KCNN2: variants seen among roughly 807,000 people sequenced by gnomAD.
KCNN2 encodes potassium calcium-activated channel subfamily N member 2, also known as small conductance calcium-activated potassium channel protein 2.
Under a neutral mutation model 55.5 loss-of-function variants are expected in KCNN2, and 24 were observed. The ratio of observed to expected loss-of-function variants is 0.43; its 90% confidence interval spans 0.31 to 0.61. The LOEUF (loss-of-function observed/expected upper bound fraction) is 0.61. KCNN2 is among the 20% of genes least tolerant of loss of function. The pLI is 0.08. For missense variants in KCNN2, 754 were observed against 853.6 expected (o/e 0.88, Z 1.45); for synonymous variants, 431 against 336.1 (o/e 1.28, Z -3.09).
chr5:114,250,771 C>A (rs958389136), intron 2 of KCNN2, among the ~76,000 whole-genome samples: 4 of 152,160 alleles, frequency 2.6e-5, no homozygotes, highest in Non-Finnish European at 5.9e-5. Flanking sequence ...CCACATTGGT[C>A]TCACTGAGTT....
intron 1 of KCNN2, among the ~76,000 whole-genome samples, chr5:114,074,914 G>C (rs1378279424): frequency 6.6e-6 from 1 of 152,216 alleles, no homozygotes; most frequent in Non-Finnish European, 1.5e-5. Flanking sequence ...AGTTTTGAAA[G>C]TGAGTTGAAG....
chr5:114,068,119 T>C (rs956929746), intron 1 of KCNN2, among the ~76,000 whole-genome samples: 2 of 152,224 alleles, frequency 1.3e-5, no homozygotes, highest in South Asian at 4.1e-4. Flanking sequence ...GCATTTAACC[T>C]CCTATAACTA....
rs376567632 is a variant in KCNN2 at position 114,109,494 on chromosome 5, G to C, written c.-271+52994G>C. Among the ~76,000 whole-genome samples the C allele has an allele frequency of 1.2e-3, 189 of 152,150 alleles. 5 individuals are homozygous for C. The South Asian group carries it at 0.038, about 31-fold the overall frequency. ...GATAATTGGGGCCATCTTAGAGTTTGTCCACCTCAACTAGTTTCAGGGATG... is the reference window on the plus strand; with the variant it reads ...GATAATTGGGGCCATCTTAGAGTTTCTCCACCTCAACTAGTTTCAGGGATG... On this transcript the variant is annotated intron_variant, in intron 1 of 10. Transcript: ENST00000512097.
intron 2 of KCNN2, among the ~76,000 whole-genome samples, chr5:114,368,387 G>A (rs977927807): frequency 7.9e-5 from 12 of 152,038 alleles, no homozygotes; most frequent in East Asian, 1.9e-4. Flanking sequence ...CTCTATAATC[G>A]GAAGAACAGT....
chr5:114,346,045 ATGT>A (rs948879549), intron 2 of KCNN2, among the ~76,000 whole-genome samples: 3 of 152,046 alleles, frequency 2.0e-5, no homozygotes, highest in Non-Finnish European at 2.9e-5. Flanking sequence ...GCCTCCCAAA[ATGT>A]TGGGATTACA....
intron 1 of KCNN2, among the ~76,000 whole-genome samples, chr5:114,180,971 G>A (rs1318035606): frequency 6.6e-6 from 1 of 151,444 alleles, no homozygotes; most frequent in Non-Finnish European, 1.5e-5. Context: ...TGAGTAGTTG[G>A]TTCTTTTTTA....
chr5:114,459,993 T>C (rs1364194502), intron 3 of KCNN2, among the ~76,000 whole-genome samples: 1 of 152,202 alleles, frequency 6.6e-6, no homozygotes, highest in Non-Finnish European at 1.5e-5. Context: ...TTCCAGTGTA[T>C]GCTTTTCATT....
chr5:114,149,030 C>G (rs1752462167), intron 1 of KCNN2, among the ~76,000 whole-genome samples: 1 of 152,094 alleles, frequency 6.6e-6, no homozygotes, highest in Non-Finnish European at 1.5e-5. Flanking sequence ...CTATCCCAGT[C>G]TAACAGGTCC....
At chr5:114,126,997 T>C (rs1389266192) in intron 1 of KCNN2, among the ~76,000 whole-genome samples, 3 of 152,188 alleles carry the variant, frequency 2.0e-5, no homozygotes, top group African/African-American at 4.8e-5. Context: ...GATATCCAGG[T>C]CGCGCTGATG....
chr5:114,267,794 A>G (rs1755239611), intron 2 of KCNN2, among the ~76,000 whole-genome samples: 1 of 152,224 alleles, frequency 6.6e-6, no homozygotes, highest in Non-Finnish European at 1.5e-5. Flanking sequence ...TTTACAATAT[A>G]GTCAGACTTA....
chr5:114,328,707 A>T (rs1482300711), intron 2 of KCNN2, among the ~76,000 whole-genome samples: 1 of 152,100 alleles, frequency 6.6e-6, no homozygotes, highest in Non-Finnish European at 1.5e-5. Flanking sequence ...TTCCTGTGGG[A>T]AGCTGAACTT....
chr5:114,360,878 G>C (rs745588613), upstream of KCNN2: 12 of 152,338 alleles, frequency 7.9e-5, no homozygotes, highest in Non-Finnish European at 1.8e-4. Context: ...GCTGCAGTTA[G>C]GACTTGGCAA....
chr5:114,402,470 A>T (rs1758813309), intron 2 of KCNN2, among the ~76,000 whole-genome samples: 1 of 152,200 alleles, frequency 6.6e-6, no homozygotes, highest in South Asian at 2.1e-4. Context: ...CTCTACTGAG[A>T]GAAAAGAGGC....
intron 2 of KCNN2, among the ~76,000 whole-genome samples, chr5:114,240,427 C>CTTTT (rs201223682): frequency 7.7e-6 from 1 of 130,404 alleles, no homozygotes; most frequent in Non-Finnish European, 1.6e-5. Flanking sequence ...TTTTCTTTCT[C>CTTTT]TTTTTTTTTT....
At chr5:114,196,916 C>T (rs544046993) in intron 1 of KCNN2, among the ~76,000 whole-genome samples, 2 of 151,810 alleles carry the variant, frequency 1.3e-5, no homozygotes, top group South Asian at 4.1e-4. Context: ...TTTCTAGTTT[C>T]TTAAGATAAA....
chr5:114,146,475 C>CT (rs1434419917), intron 1 of KCNN2, among the ~76,000 whole-genome samples: 44 of 152,270 alleles, frequency 2.9e-4, no homozygotes, highest in African/African-American at 1.1e-3. Flanking sequence ...ATTCCCATAA[C>CT]TGCAAAACAT....
chr5:114,377,330 T>C (rs1270376906), intron 2 of KCNN2, among the ~76,000 whole-genome samples: 6 of 152,186 alleles, frequency 3.9e-5, no homozygotes, highest in South Asian at 2.1e-4. Flanking sequence ...AAGGGACATA[T>C]TGAGGATCCC....
intron 1 of KCNN2, among the ~76,000 whole-genome samples, chr5:114,077,416 C>G (rs1161563182): frequency 6.6e-6 from 1 of 152,114 alleles, no homozygotes; most frequent in African/African-American, 2.4e-5. Context: ...TATTGTGAGG[C>G]CCTCTAGTAG....
chr5:114,075,016 T>A (rs1303440118), intron 1 of KCNN2, among the ~76,000 whole-genome samples: 1 of 152,238 alleles, frequency 6.6e-6, no homozygotes, highest in Non-Finnish European at 1.5e-5. Flanking sequence ...TCTTCCCTTC[T>A]TCCTTCCCAT....
Sources: gnomAD v4.1 joint callset for allele counts (sites outside exome capture counted in the v4.1 genomes callset) on GRCh38, gnomAD v4.1.1 for gene constraint, MANE v1.5 for transcripts, NCBI Gene and HGNC (gene_info 2026-07-23, HGNC 2026-07-21) for gene names.